Variants in TAFA4 observed in about 807,000 individuals in gnomAD.
TAFA4 encodes the protein TAFA chemokine like family member 4.
Under a neutral mutation model 21.1 loss-of-function variants are expected in TAFA4, and 20 were observed. The ratio of observed to expected loss-of-function variants is 0.95; its 90% CI spans 0.67 to 1.38. The LOEUF (loss-of-function observed/expected upper bound fraction) is 1.38. TAFA4 is among the 40% of genes most tolerant of loss of function. The pLI is 0.00. For synonymous variants in TAFA4, 71 were observed against 67.4 expected, an observed-to-expected ratio of 1.05 and a Z score of -0.26; for missense variants, 211 against 180.9, an observed-to-expected ratio of 1.17 and a Z score of -0.95.
intron 1 of TAFA4, among the ~76,000 whole-genome samples, chr3:68,917,078 T>C (rs770172247): frequency 3.3e-5 from 5 of 152,180 alleles, no homozygotes; most frequent in Non-Finnish European, 5.9e-5. Context: ...CATATATCCA[T>C]TTTGTATAGA....
chr3:68,834,757 C>A (rs953275981), intron 3 of TAFA4, among the ~76,000 whole-genome samples: 12 of 152,154 alleles, frequency 7.9e-5, no homozygotes, highest in African/African-American at 2.9e-4. Context: ...TCCACCCCAT[C>A]TGTCAGCAGA....
chr3:68,889,582 C>T (rs928794420), intron 1 of TAFA4, among the ~76,000 whole-genome samples: 2 of 152,166 alleles, frequency 1.3e-5, no homozygotes, highest in Non-Finnish European at 2.9e-5. Flanking sequence ...ACATATGAAT[C>T]TGCAGGGCAT....
chr3:68,739,920 T>C (rs529300567), intron 4 of TAFA4, among the ~76,000 whole-genome samples: 33 of 152,150 alleles, frequency 2.2e-4, no homozygotes, highest in Non-Finnish European at 4.3e-4. Flanking sequence ...AGTACACTAT[T>C]TGGGTGATGG....
intron 3 of TAFA4, among the ~76,000 whole-genome samples, chr3:68,781,362 G>T (rs918546632): frequency 3.7e-4 from 56 of 151,718 alleles, no homozygotes; most frequent in Non-Finnish European, 6.9e-4. Context: ...CAAAAGGCCA[G>T]TTAAATTGAT....
intron 3 of TAFA4, among the ~76,000 whole-genome samples, chr3:68,786,298 C>T (rs759704573): frequency 7.2e-5 from 11 of 152,060 alleles, no homozygotes; most frequent in African/African-American, 2.7e-4. Context: ...GGAGGAAACA[C>T]AAGAAAATAG....
At chr3:68,755,636 C>G (rs1030310685) in intron 3 of TAFA4, among the ~76,000 whole-genome samples, 1 of 152,170 alleles carries the variant, frequency 6.6e-6, no homozygotes, top group African/African-American at 2.4e-5. Flanking sequence ...GCTGGTTTGT[C>G]AAGTCCAAAA....
intron 3 of TAFA4, among the ~76,000 whole-genome samples, chr3:68,880,002 T>C (rs946765958): frequency 3.3e-5 from 5 of 152,104 alleles, no homozygotes; most frequent in Admixed American, 2.6e-4. Context: ...CACAATTTGC[T>C]GGGGAGTTTC....
At chr3:68,871,147 G>A (rs1186870042) in intron 3 of TAFA4, among the ~76,000 whole-genome samples, 2 of 152,106 alleles carry the variant, frequency 1.3e-5, no homozygotes, top group Non-Finnish European at 2.9e-5. Context: ...AGACAGTGTG[G>A]CAATTCCTCA....
intron 3 of TAFA4, among the ~76,000 whole-genome samples, chr3:68,868,053 G>C (rs1009281604): frequency 2.0e-5 from 3 of 152,020 alleles, no homozygotes; most frequent in Admixed American, 6.6e-5. Flanking sequence ...ACATAGAGTG[G>C]CTGAGTAGAT....
chr3:68,879,435 A>G (rs2089590905), intron 3 of TAFA4, among the ~76,000 whole-genome samples: 1 of 152,138 alleles, frequency 6.6e-6, no homozygotes, highest in Admixed American at 6.5e-5. Flanking sequence ...AGTGGGTGGT[A>G]ATCCTACTGA....
intron 3 of TAFA4, among the ~76,000 whole-genome samples, chr3:68,775,519 G>A (rs1559517129): frequency 6.6e-6 from 1 of 152,110 alleles, no homozygotes; most frequent in Non-Finnish European, 1.5e-5. Flanking sequence ...CCCAACTCAA[G>A]TATTGAACTT....
chr3:68,927,805 G>A (rs1006982474), intron 1 of TAFA4, among the ~76,000 whole-genome samples: 2 of 151,742 alleles, frequency 1.3e-5, no homozygotes, highest in Non-Finnish European at 2.9e-5. Context: ...GGGTGAAGCA[G>A]AAGGATTGCT....
At chr3:68,833,333 T>C (rs934863495) in intron 3 of TAFA4, among the ~76,000 whole-genome samples, 1 of 152,222 alleles carries the variant, frequency 6.6e-6, no homozygotes, top group African/African-American at 2.4e-5. Flanking sequence ...GAAGCGACTA[T>C]AATAAATTTC....
At chr3:68,775,062 A>G (rs1703024809) in intron 3 of TAFA4, among the ~76,000 whole-genome samples, 1 of 152,200 alleles carries the variant, frequency 6.6e-6, no homozygotes, top group African/African-American at 2.4e-5. Flanking sequence ...GGATGTGAGG[A>G]TGTTAACTGA....
At chr3:68,733,297 G>T in intron 5 of TAFA4, 144 bp from the exon 6 acceptor site, 1 of 1,043,692 alleles carries the variant, frequency 9.6e-7, no homozygotes, top group Non-Finnish European at 1.3e-6. Context: ...CAAATCAACA[G>T]TTCAAATTCT....
intron 1 of TAFA4, among the ~76,000 whole-genome samples, chr3:68,912,833 A>G (rs907695169): frequency 2.6e-5 from 4 of 152,210 alleles, no homozygotes; most frequent in Admixed American, 2.6e-4. Context: ...CAAAAGGAAA[A>G]AACTGAGTTT....
chr3:68,836,529 A>G (rs191562548), intron 3 of TAFA4, among the ~76,000 whole-genome samples: 3 of 152,338 alleles, frequency 2.0e-5, no homozygotes, highest in Admixed American at 2.0e-4. Context: ...ATCTTTTTGT[A>G]GAAAAATGCT....
chr3:68,834,418 T>C (rs545137711), intron 3 of TAFA4, among the ~76,000 whole-genome samples: 42 of 152,338 alleles, frequency 2.8e-4, no homozygotes, highest in Middle Eastern at 3.4e-3. Flanking sequence ...AACTCAGATA[T>C]AGAAAAGAGT....
At chr3:68,867,162 G>C (rs1012459064) in intron 3 of TAFA4, among the ~76,000 whole-genome samples, 12 of 151,920 alleles carry the variant, frequency 7.9e-5, no homozygotes, top group African/African-American at 2.7e-4. Context: ...CAAGGAAAAA[G>C]AGAGGATGCT....
Sources: gnomAD v4.1 joint callset for allele counts (sites outside exome capture counted in the v4.1 genomes callset) on GRCh38, gnomAD v4.1.1 for gene constraint, MANE v1.5 for transcripts, NCBI Gene and HGNC (gene_info 2026-07-23, HGNC 2026-07-21) for gene names.